Variants in TFB1M observed in about 807,000 individuals in gnomAD.
The protein encoded by TFB1M is dimethyladenosine transferase 1, mitochondrial.
In TFB1M, 27 loss-of-function variants were observed where a neutral mutation model predicts 31.1. The ratio of observed to expected loss-of-function variants is 0.87; its 90% CI spans 0.64 to 1.20. The LOEUF (loss-of-function observed/expected upper bound fraction) is 1.20. Among genes scored for constraint, TFB1M ranks in the 50% most tolerant of loss-of-function variants. The probability of loss-of-function intolerance (pLI) is 0.00; values close to 1 mark genes in which losing one functional copy is unlikely to be tolerated. For missense variants in TFB1M, 394 were observed against 418.7 expected, an observed-to-expected ratio of 0.94 and a Z score of 0.51; for synonymous variants, 166 against 151.8, an observed-to-expected ratio of 1.09 and a Z score of -0.69.
chr6:155,230,000 A>G, the TFB1M span, among the ~76,000 whole-genome samples: 2 of 151,846 alleles, frequency 1.3e-5, no homozygotes, highest in Non-Finnish European at 2.9e-5. Flanking sequence ...CCCATGACAC[A>G]TGGGAATCAT....
chr6:155,247,485 C>T, the TFB1M span, among the ~76,000 whole-genome samples: 4 of 152,042 alleles, frequency 2.6e-5, no homozygotes, highest in South Asian at 2.1e-4. Flanking sequence ...CCCACCACCA[C>T]GCCCGGCGAA....
chr6:155,245,710 G>C, the TFB1M span: 1 of 1,601,034 alleles, frequency 6.2e-7, no homozygotes, highest in Non-Finnish European at 8.5e-7. Context: ...CCATATCAAA[G>C]TACAGAAGGT....
At chr6:155,296,848 A>G in intron 4 of TFB1M, 105 bp downstream of exon 4, 3 of 1,104,482 alleles carry the variant, frequency 2.7e-6, no homozygotes, top group Non-Finnish European at 4.0e-6. Flanking sequence ...TGTGTGTAAT[A>G]AGATATTAAC....
intron 6 of TFB1M, 119 bp downstream of exon 6, chr6:155,260,154 G>A: frequency 8.6e-7 from 1 of 1,169,470 alleles, no homozygotes; most frequent in Non-Finnish European, 1.3e-6. Context: ...TCCGTCACAG[G>A]CCTGAACTAA....
At chr6:155,305,620 TA>T (rs1777703334) in intron 2 of TFB1M, among the ~76,000 whole-genome samples, 1 of 79,788 alleles carries the variant, frequency 1.3e-5, no homozygotes, top group African/African-American at 5.6e-5. Flanking sequence ...TATATTAAAT[TA>T]TATATTTATA....
intron 2 of TFB1M, among the ~76,000 whole-genome samples, chr6:155,302,652 A>C (rs571154129): frequency 6.6e-6 from 1 of 152,348 alleles, no homozygotes; most frequent in Non-Finnish European, 1.5e-5. Context: ...CTCGTATCTT[A>C]AATGATACTA....
downstream of TFB1M, chr6:155,255,311 G>A (rs3926833): frequency 0.44 from 66,819 of 151,970 alleles, 15,089 homozygotes; most frequent in Middle Eastern, 0.54. Flanking sequence ...TTAATCGATA[G>A]GGCACCAAGT....
At chr6:155,252,484 GTAAA>G (rs1783724583), downstream of TFB1M, among the ~76,000 whole-genome samples, 1 of 152,068 alleles carries the variant, frequency 6.6e-6, no homozygotes, top group African/African-American at 2.4e-5. Context: ...ACATAAATAA[GTAAA>G]TAAAGTAGAT....
chr6:155,302,511 G>A (rs993014509), intron 2 of TFB1M, among the ~76,000 whole-genome samples: 2 of 152,066 alleles, frequency 1.3e-5, no homozygotes, highest in Admixed American at 6.6e-5. Context: ...ATGTCAAAAT[G>A]TCAATTAGCT....
chr6:155,248,033 A>T, the TFB1M span: 1 of 1,614,120 alleles, frequency 6.2e-7, no homozygotes, highest in Non-Finnish European at 8.5e-7. Context: ...GCTTTTCTGG[A>T]CGCCCGGAAC....
intron 4 of TFB1M, among the ~76,000 whole-genome samples, chr6:155,291,981 A>C (rs772674639): frequency 2.6e-5 from 4 of 152,238 alleles, no homozygotes; most frequent in Non-Finnish European, 4.4e-5. Flanking sequence ...TTGTTCTGAA[A>C]CAAGTATAAA....
At chr6:155,282,542 C>T (rs1158891587) in intron 5 of TFB1M, among the ~76,000 whole-genome samples, 1 of 152,126 alleles carries the variant, frequency 6.6e-6, no homozygotes, top group Non-Finnish European at 1.5e-5. Flanking sequence ...GCATTAATCT[C>T]CCTCTCTCAA....
At chr6:155,288,568 T>A (rs66477837) in intron 4 of TFB1M, among the ~76,000 whole-genome samples, 12,110 of 152,222 alleles carry the variant, frequency 0.08, 591 homozygotes, top group Non-Finnish European at 0.099. Flanking sequence ...TCAAAAAAGA[T>A]CTTATTTAAG....
At position 155,257,190 on chromosome 6, in the gene TFB1M, C is replaced by CCAAA; in HGVS notation, c.*645_*646insTTTG. 1.8e-6 allele frequency: 1 copy of CCAAA among 543,898 alleles called. No homozygotes were observed. Among genetic ancestry groups the CCAAA allele is most frequent in the Non-Finnish European group, 2.8e-6 (1 of 358,878 alleles). 33.7% of individuals were successfully genotyped at this position (543,898 alleles called of 1,614,324 possible). ...TAAACTGGTGGTAAAGTGGAAATTG[C>CCAAA]AAAAAAAAAAAAAAAAAAAAACTGT... On this transcript the variant is annotated 3_prime_UTR_variant, in exon 7 of 7. Coordinates refer to ENST00000367166, the MANE Select transcript of TFB1M (RefSeq NM_016020.4).
chr6:155,314,184 C>A, intron 1 of TFB1M, 112 bp downstream of exon 1: 1 of 1,552,912 alleles, frequency 6.4e-7, no homozygotes, highest in Non-Finnish European at 8.7e-7. Flanking sequence ...TGACCAAAAG[C>A]CCGTCGCACG....
the TFB1M span, among the ~76,000 whole-genome samples, chr6:155,230,543 T>TTATGCCGGTC: frequency 3.3e-5 from 5 of 151,964 alleles, no homozygotes; most frequent in Non-Finnish European, 5.9e-5. Flanking sequence ...CAAGGAGTGA[T>TTATGCCGGTC]TTGTTCATCA....
At chr6:155,251,024 T>C in the TFB1M span, 1 of 1,612,798 alleles carries the variant, frequency 6.2e-7, no homozygotes, top group Non-Finnish European at 8.5e-7. Context: ...AGTATTTGGT[T>C]AGTATTCCAT....
intron 1 of TFB1M, 103 bp from the exon 2 acceptor site, chr6:155,311,442 C>A: frequency 2.2e-6 from 2 of 901,536 alleles, no homozygotes; most frequent in Non-Finnish European, 3.6e-6. Flanking sequence ...ATTACCCAAT[C>A]AATTGATCCT....
At chr6:155,254,076 A>G (rs759203725), downstream of TFB1M, 29 of 1,608,702 alleles carry the variant, frequency 1.8e-5, no homozygotes, top group Non-Finnish European at 1.8e-5. Flanking sequence ...ACTGACTTCC[A>G]AAGATTAAAA....
Sources: allele counts gnomAD v4.1 joint callset (sites outside exome capture counted in the v4.1 genomes callset), GRCh38; gene constraint gnomAD v4.1.1; transcripts MANE v1.5; gene names NCBI Gene and HGNC (gene_info 2026-07-23, HGNC 2026-07-21).